ZMIZ1: variants seen among roughly 807,000 people sequenced by gnomAD.
ZMIZ1 encodes the protein zinc finger MIZ-type containing 1.
ZMIZ1 carries 17 observed loss-of-function variants against 113.9 expected under a neutral mutation model. That is an observed-to-expected ratio of 0.15 (90% CI 0.10 to 0.22). The LOEUF is 0.22. Among genes scored for constraint, ZMIZ1 ranks in the 10% least tolerant of loss-of-function variants. ZMIZ1 has a pLI of 1.00. For missense variants in ZMIZ1, 1,059 were observed against 1,477.8 expected (o/e 0.72, Z 4.65); for synonymous variants, 607 against 603.1 (o/e 1.01, Z -0.09).
chr10:79,097,391 T>C (rs536381856), intron 1 of ZMIZ1, among the ~76,000 whole-genome samples: 4 of 152,334 alleles, frequency 2.6e-5, no homozygotes, highest in African/African-American at 9.6e-5. Flanking sequence ...CAGAGGAGGC[T>C]GAGGGGTGCA....
At chr10:79,278,654 T>C (rs1229680337) in intron 8 of ZMIZ1, among the ~76,000 whole-genome samples, 1 of 151,796 alleles carries the variant, frequency 6.6e-6, no homozygotes, top group Non-Finnish European at 1.5e-5. Flanking sequence ...ACGAGCATGC[T>C]GCCTTCAAGC....
At chr10:79,081,562 A>G (rs1270225315) in intron 1 of ZMIZ1, among the ~76,000 whole-genome samples, 2 of 152,184 alleles carry the variant, frequency 1.3e-5, no homozygotes, top group East Asian at 1.9e-4. Context: ...CTCGCCTGCC[A>G]CTGCAGCCAG....
intron 6 of ZMIZ1, among the ~76,000 whole-genome samples, chr10:79,208,962 T>C (rs746496557): frequency 7.9e-5 from 12 of 152,108 alleles, no homozygotes; most frequent in Non-Finnish European, 1.5e-4. Flanking sequence ...TGAAGATGAA[T>C]AAGGCTTCAC....
At chr10:79,189,587 A>G (rs1847511777) in intron 4 of ZMIZ1, among the ~76,000 whole-genome samples, 1 of 152,182 alleles carries the variant, frequency 6.6e-6, no homozygotes, top group South Asian at 2.1e-4. Flanking sequence ...GAAGCCAGCA[A>G]GTGTCAGAGC....
intron 3 of ZMIZ1, among the ~76,000 whole-genome samples, chr10:79,142,693 C>G (rs141042561): frequency 6.6e-6 from 1 of 152,236 alleles, no homozygotes; most frequent in Non-Finnish European, 1.5e-5. Flanking sequence ...CATGCCTGGG[C>G]CCTCCCCGTC....
At chr10:79,312,154 G>A (rs1042271256) in intron 24 of ZMIZ1, among the ~76,000 whole-genome samples, 3 of 152,222 alleles carry the variant, frequency 2.0e-5, no homozygotes, top group African/African-American at 7.2e-5. Flanking sequence ...GGGAAGGATG[G>A]CTGCCAGCCA....
intron 20 of ZMIZ1, 49 bp from the exon 21 acceptor site, chr10:79,305,484 C>T (rs1250700609): frequency 6.2e-7 from 1 of 1,601,766 alleles, no homozygotes; most frequent in African/African-American, 1.3e-5. Flanking sequence ...TTTGCCCCTA[C>T]CTCCTTGGGT....
chr10:79,308,838 G>A (rs1235609761), intron 23 of ZMIZ1, among the ~76,000 whole-genome samples: 1 of 152,040 alleles, frequency 6.6e-6, no homozygotes, highest in Non-Finnish European at 1.5e-5. Context: ...CCTAACACTG[G>A]AATATGGAGT....
chr10:79,187,845 G>A (rs562777142), intron 4 of ZMIZ1, among the ~76,000 whole-genome samples: 4 of 152,152 alleles, frequency 2.6e-5, no homozygotes, highest in Admixed American at 6.5e-5. Context: ...CGGAACCCGC[G>A]CAGTCTGCCA....
chr10:79,148,605 G>T (rs1343471795), intron 3 of ZMIZ1, among the ~76,000 whole-genome samples: 2 of 152,070 alleles, frequency 1.3e-5, no homozygotes, highest in Non-Finnish European at 2.9e-5. Flanking sequence ...ACGCAGATCC[G>T]CCATCATGCC....
chr10:79,095,734 C>T (rs563809496), intron 1 of ZMIZ1, among the ~76,000 whole-genome samples: 2 of 152,342 alleles, frequency 1.3e-5, no homozygotes, highest in African/African-American at 2.4e-5. Context: ...GTGTGGCTCC[C>T]GGTTAATCTT....
chr10:79,269,456 A>ACACACACACACACACACACAC (rs1851803859), intron 7 of ZMIZ1, among the ~76,000 whole-genome samples: 1 of 138,472 alleles, frequency 7.2e-6, no homozygotes, highest in African/African-American at 2.7e-5. Flanking sequence ...ACCTCCCCCC[A>ACACACACACACACACACACAC]ACACACACAC....
In ZMIZ1 at chr10:79,291,193, T is replaced by C; in HGVS notation, c.758+17T>C. On this transcript the variant is annotated intron_variant, in intron 10 of 24. Coordinates refer to ENST00000334512, the MANE Select transcript of ZMIZ1 (RefSeq NM_020338.4). ...TGGGGCCAGGTGAGCAGGGCTGACCTGTGGCAGAAGCCATGGACGCCACCC... is the reference window on the plus strand; with the variant it reads ...TGGGGCCAGGTGAGCAGGGCTGACCCGTGGCAGAAGCCATGGACGCCACCC... The C allele has an allele frequency of 2.5e-6, 4 of 1,584,412 alleles. No individual in the cohort carries two copies. The highest frequency in any genetic ancestry group is 3.4e-6 in the Non-Finnish European group (4 of 1,160,884).
intron 23 of ZMIZ1, among the ~76,000 whole-genome samples, chr10:79,308,435 G>T (rs1365052788): frequency 1.3e-5 from 2 of 152,150 alleles, no homozygotes; most frequent in Admixed American, 6.5e-5. Context: ...TGGGGAGGAG[G>T]GGCCATCACT....
chr10:79,140,507 C>T (rs1328658920), intron 3 of ZMIZ1, among the ~76,000 whole-genome samples: 1 of 152,200 alleles, frequency 6.6e-6, no homozygotes, highest in African/African-American at 2.4e-5. Flanking sequence ...TGAGGCCAAG[C>T]AACCACTAGT....
At chr10:79,290,317 G>C (rs1053715498) in intron 9 of ZMIZ1, among the ~76,000 whole-genome samples, 1 of 152,182 alleles carries the variant, frequency 6.6e-6, no homozygotes, top group African/African-American at 2.4e-5. Context: ...GCCCTAGTCA[G>C]ACCCACCTCC....
chr10:79,113,403 C>T (rs1054991785), intron 1 of ZMIZ1, among the ~76,000 whole-genome samples: 1 of 152,196 alleles, frequency 6.6e-6, no homozygotes, highest in Non-Finnish European at 1.5e-5. Flanking sequence ...GGAGGTGCTG[C>T]TGCCCGGGCA....
intron 7 of ZMIZ1, among the ~76,000 whole-genome samples, chr10:79,249,993 A>T (rs538113991): frequency 6.6e-6 from 1 of 152,358 alleles, no homozygotes; most frequent in South Asian, 2.1e-4. Context: ...TGATCAGTGC[A>T]GTAGAGCTAC....
chr10:79,162,721 A>G (rs1846165180), intron 4 of ZMIZ1, among the ~76,000 whole-genome samples: 1 of 152,108 alleles, frequency 6.6e-6, no homozygotes, highest in Non-Finnish European at 1.5e-5. Flanking sequence ...CCTGGCACAC[A>G]GCAAGGACTA....
Sources: allele counts gnomAD v4.1 joint callset (sites outside exome capture counted in the v4.1 genomes callset), GRCh38; gene constraint gnomAD v4.1.1; transcripts MANE v1.5; gene names NCBI Gene and HGNC (gene_info 2026-07-23, HGNC 2026-07-21).